The following XIRP2 variants were observed in gnomAD, a reference collection of about 807,000 sequenced individuals.
XIRP2 encodes xin actin-binding repeat-containing protein 2.
XIRP2 carries 236 observed loss-of-function variants against 277.0 expected under a neutral mutation model. The observed-to-expected ratio is 0.85, with a 90% CI of 0.77 to 0.95. The LOEUF (loss-of-function observed/expected upper bound fraction) is 0.95. Ranked by LOEUF, XIRP2 falls within the 40% of genes least tolerant of loss-of-function variation. XIRP2 has a pLI of 0.00. For synonymous variants in XIRP2, 1,490 were observed against 1,416.5 expected (o/e 1.05, Z -1.17); for missense variants, 4,640 against 4,157.5 (o/e 1.12, Z -3.19).
Position 167,258,615 on chromosome 2 carries a change from A to G in XIRP2, c.*798A>G, listed in dbSNP as rs923311882. On this transcript the variant is annotated 3_prime_UTR_variant, in exon 11 of 11. Coordinates refer to ENST00000409195, the MANE Select transcript of XIRP2 (RefSeq NM_152381.6). ...GGTGCAGAAGTTTTACAGGTTACTAACACTGATGATGAGATGATGCCAGAA... is the reference window on the plus strand; with the variant it reads ...GGTGCAGAAGTTTTACAGGTTACTAGCACTGATGATGAGATGATGCCAGAA... 6 of 1,613,092 alleles carry G rather than the reference A, an allele frequency of 3.7e-6. No homozygotes were observed. The highest frequency in any genetic ancestry group is 2.7e-5 in the African/African-American group (2 of 74,970).
At chr2:167,184,014 G>A (rs1339998491) in intron 3 of XIRP2, among the ~76,000 whole-genome samples, 3 of 152,108 alleles carry the variant, frequency 2.0e-5, no homozygotes, top group South Asian at 2.1e-4. Flanking sequence ...ATTTTCTGAG[G>A]TTTTTCAGCT....
chr2:167,134,105 G>A (rs1691465066), intron 2 of XIRP2, among the ~76,000 whole-genome samples: 1 of 151,628 alleles, frequency 6.6e-6, no homozygotes. Context: ...AATATTTCTA[G>A]TGATTTTATA....
intron 2 of XIRP2, among the ~76,000 whole-genome samples, chr2:167,079,002 A>T (rs1358842426): frequency 6.6e-6 from 1 of 152,196 alleles, no homozygotes. Context: ...GGTTTGTCAT[A>T]CATGGCTCTG....
intron 3 of XIRP2, among the ~76,000 whole-genome samples, chr2:167,186,201 A>G (rs1415337154): frequency 6.6e-6 from 1 of 152,182 alleles, no homozygotes; most frequent in African/African-American, 2.4e-5. Flanking sequence ...TAATTAGTCT[A>G]TACTGGCTCC....
intron 3 of XIRP2, among the ~76,000 whole-genome samples, chr2:167,145,011 G>A (rs1042136993): frequency 4.6e-5 from 7 of 152,218 alleles, no homozygotes; most frequent in East Asian, 1.9e-4. Context: ...TATTTGAATC[G>A]CTATCCTTGT....
rs373364313 is a variant in XIRP2, at chr2:166,954,359, C to T, written c.408+50469C>T. ...TCATTAGAGAAATGCAAACCAAAAC[C>T]ACAGTGAGATACCATCTCACGCCAG... On this transcript the variant is annotated intron_variant, in intron 2 of 10. Transcript: ENST00000409195. Among the ~76,000 whole-genome samples, 104 of 151,876 alleles carry T rather than the reference C, an allele frequency of 6.8e-4. 3 individuals carry two copies. The South Asian group carries it at 0.022, about 32-fold the overall frequency.
At chr2:167,032,718 G>T (rs1688399649) in intron 2 of XIRP2, among the ~76,000 whole-genome samples, 1 of 152,130 alleles carries the variant, frequency 6.6e-6, no homozygotes, top group Non-Finnish European at 1.5e-5. Context: ...TGATATTAGA[G>T]AAATGCAAAT....
chr2:167,194,968 T>A (rs974087978), intron 3 of XIRP2, among the ~76,000 whole-genome samples: 8 of 152,178 alleles, frequency 5.3e-5, no homozygotes, highest in Non-Finnish European at 1.0e-4. Context: ...TATCCATATA[T>A]TCCAGGGAGC....
At chr2:167,225,354 A>C (rs926207309) in intron 5 of XIRP2, among the ~76,000 whole-genome samples, 1 of 152,180 alleles carries the variant, frequency 6.6e-6, no homozygotes, top group Non-Finnish European at 1.5e-5. Context: ...TGAGTGTTGC[A>C]TATGTGGTTT....
intron 2 of XIRP2, among the ~76,000 whole-genome samples, chr2:167,055,125 G>C (rs1218394467): frequency 6.6e-6 from 1 of 152,174 alleles, no homozygotes; most frequent in Non-Finnish European, 1.5e-5. Flanking sequence ...GCCTCAGATA[G>C]TTTGTATGCT....
intron 2 of XIRP2, among the ~76,000 whole-genome samples, chr2:166,927,411 A>G (rs1481471394): frequency 6.6e-6 from 1 of 152,268 alleles, no homozygotes; most frequent in African/African-American, 2.4e-5. Context: ...AGTGTTGGCA[A>G]GTCTGCATTT....
At chr2:167,064,125 T>G (rs1205113720) in intron 2 of XIRP2, among the ~76,000 whole-genome samples, 1 of 151,790 alleles carries the variant, frequency 6.6e-6, no homozygotes, top group Non-Finnish European at 1.5e-5. Flanking sequence ...AAAGTAAAAT[T>G]TTATATATTT....
rs959625397 is a variant in XIRP2 at position 167,013,735 on chromosome 2, A to G, written c.408+109845A>G. Among the ~76,000 whole-genome samples, 10 of 151,794 alleles carry G rather than the reference A, an allele frequency of 6.6e-5. No homozygotes were observed. The South Asian group carries it at 1.9e-3, about 28-fold the overall frequency. On this transcript the variant is annotated intron_variant, in intron 2 of 10. Transcript: ENST00000409195. Reference sequence around the variant, plus strand: ...TTATTTGGGCAATGGATCAAAAAGTAACTTATAGACAGAAATCCCAGAAAT... The same window carrying G: ...TTATTTGGGCAATGGATCAAAAAGTGACTTATAGACAGAAATCCCAGAAAT...
chr2:166,931,910 A>G (rs994097666), intron 2 of XIRP2, among the ~76,000 whole-genome samples: 4 of 152,192 alleles, frequency 2.6e-5, no homozygotes, highest in Non-Finnish European at 1.5e-5. Context: ...AGTCTAGTTA[A>G]TGTCTCTGAC....
intron 2 of XIRP2, among the ~76,000 whole-genome samples, chr2:167,104,374 C>T (rs1274127421): frequency 1.3e-5 from 2 of 152,076 alleles, no homozygotes; most frequent in Non-Finnish European, 2.9e-5. Flanking sequence ...CCCATCATAA[C>T]AATTTTATCC....
intron 2 of XIRP2, among the ~76,000 whole-genome samples, chr2:167,052,240 A>G (rs762128510): frequency 2.6e-5 from 4 of 151,564 alleles, no homozygotes; most frequent in Non-Finnish European, 5.9e-5. Flanking sequence ...ATGCAAGCCC[A>G]ATATCACTAA....
intron 3 of XIRP2, among the ~76,000 whole-genome samples, chr2:167,154,275 T>C (rs1042080477): frequency 2.0e-5 from 3 of 150,454 alleles, no homozygotes; most frequent in African/African-American, 7.4e-5. Flanking sequence ...TTCTTGTAAA[T>C]TTGTTTGAGT....
intron 2 of XIRP2, among the ~76,000 whole-genome samples, chr2:167,013,227 A>G (rs1227933067): frequency 2.6e-5 from 4 of 151,570 alleles, no homozygotes; most frequent in East Asian, 1.9e-4. Flanking sequence ...ATGCAAATAT[A>G]TGATATCAGA....
At chr2:166,890,874 A>G (rs1684083030) in intron 1 of XIRP2, among the ~76,000 whole-genome samples, 2 of 152,192 alleles carry the variant, frequency 1.3e-5, no homozygotes, top group South Asian at 2.1e-4. Flanking sequence ...ATTTTTCTAT[A>G]GAATTTGGAA....
Sources: allele counts gnomAD v4.1 joint callset (sites outside exome capture counted in the v4.1 genomes callset), GRCh38; gene constraint gnomAD v4.1.1; transcripts MANE v1.5; gene names NCBI Gene and HGNC (gene_info 2026-07-23, HGNC 2026-07-21).